USP31: variants seen among roughly 807,000 people sequenced by gnomAD.
USP31 encodes ubiquitin specific peptidase 31.
In USP31, 44 loss-of-function variants were observed where a neutral mutation model predicts 119.4. The observed-to-expected ratio is 0.37, with a 90% CI of 0.29 to 0.47. USP31 has a LOEUF of 0.47. Among genes scored for constraint, USP31 ranks in the 20% least tolerant of loss-of-function variants. The pLI is 0.99. For missense variants in USP31, 1,643 were observed against 1,730.2 expected (o/e 0.95, Z 0.89); for synonymous variants, 749 against 705.6 (o/e 1.06, Z -0.97).
At chr16:23,144,613 G>A (rs1903453122) in intron 1 of USP31, among the ~76,000 whole-genome samples, 1 of 152,016 alleles carries the variant, frequency 6.6e-6, no homozygotes, top group African/African-American at 2.4e-5. Flanking sequence ...CCGAGTAGCT[G>A]GGATTACAGG....
chr16:23,062,041 T>C lies in USP31; in HGVS notation c.*6005A>G, dbSNP rs1472679460. 1 of 152,660 alleles carries C rather than the reference T, an allele frequency of 6.6e-6. No homozygotes were observed. The highest frequency in any genetic ancestry group is 2.4e-5 in the African/African-American group (1 of 41,454). The allele number at this position is 152,660 out of a possible 1,614,324, so 9.5% of individuals were successfully genotyped here. On this transcript the variant is annotated 3_prime_UTR_variant, in exon 16 of 16. Coordinates refer to ENST00000219689, the MANE Select transcript of USP31 (RefSeq NM_020718.4). Reference sequence around the variant, plus strand: ...GCACCTAGGAAATTTCATATTGCATTTGGACGACTGCAACAGATATCATTA... The same window carrying C: ...GCACCTAGGAAATTTCATATTGCATCTGGACGACTGCAACAGATATCATTA...
chr16:23,073,824 G>A lies in USP31; in HGVS notation c.2233C>T (p.Gln745Ter). The A allele has an allele frequency of 6.2e-7, 1 of 1,614,102 alleles. No homozygotes were observed. Among genetic ancestry groups the A allele is most frequent in the Non-Finnish European group, 8.5e-7 (1 of 1,180,038 alleles). The change falls in exon 14 of 16, where the codon CAG becomes TAG. Residue 745 changes from glutamine (Q) to a stop codon, truncating the protein, a stop_gained. Coordinates refer to ENST00000219689, the MANE Select transcript of USP31 (RefSeq NM_020718.4). LOFTEE classifies it high-confidence loss of function. ...CAGACCTCATCTTCTGACAGCTGCT[G>A]CACATCGCTGTCATCGAAGCAGTAC... The part of the protein sequence containing the change: ...LWYCFDDSDV[Q>*]QLSEDEVCTQ...
chr16:23,143,593 G>GC (rs1211277157), intron 1 of USP31, among the ~76,000 whole-genome samples: 2 of 150,722 alleles, frequency 1.3e-5, no homozygotes, highest in Admixed American at 1.3e-4. Context: ...GTTGGGGGGG[G>GC]GGAGAGAGAG....
rs1322088979 is a variant in USP31 at position 23,102,308 on chromosome 16, A to G, written c.1234+11T>C. 3 of 1,609,010 alleles carry G rather than the reference A, an allele frequency of 1.9e-6. No individual in the cohort carries two copies. On this transcript the variant is annotated intron_variant, in intron 6 of 15. Coordinates refer to ENST00000219689, the MANE Select transcript of USP31 (RefSeq NM_020718.4). The stretch of plus-strand genomic sequence containing the variant: ...ACCCAGGTGGCATTATGGAAACAGG[A>G]GCTCCCTTACCTCTTTGACTGAGAA...
chr16:23,122,295 T>C (rs562702925), intron 1 of USP31, among the ~76,000 whole-genome samples: 3 of 152,182 alleles, frequency 2.0e-5, no homozygotes, highest in South Asian at 2.1e-4. Flanking sequence ...ATGGCTATAA[T>C]GAAAAAGACA....
At chr16:23,145,397 G>A (rs1454310410) in intron 1 of USP31, among the ~76,000 whole-genome samples, 3 of 152,060 alleles carry the variant, frequency 2.0e-5, no homozygotes, top group South Asian at 2.1e-4. Context: ...GATCCTACTC[G>A]ACTCAGCTCT....
At chr16:23,130,780 A>T (rs1328937254) in intron 1 of USP31, among the ~76,000 whole-genome samples, 1 of 152,106 alleles carries the variant, frequency 6.6e-6, no homozygotes, top group Non-Finnish European at 1.5e-5. Flanking sequence ...CCAGATCAAG[A>T]TACTTCTTTG....
At chr16:23,103,336 A>G (rs1043071705) in intron 5 of USP31, among the ~76,000 whole-genome samples, 2 of 152,238 alleles carry the variant, frequency 1.3e-5, no homozygotes, top group Non-Finnish European at 2.9e-5. Flanking sequence ...CAAAAATACT[A>G]ACTAGTTAAA....
At position 23,082,343 on chromosome 16, in the gene USP31, C is replaced by G. The variant is rs1596692196; in HGVS notation, c.1950+95G>C. On this transcript the variant is annotated intron_variant, in intron 12 of 15. Transcript: ENST00000219689. ...CACAGACAGGACTCACTGGATCAAA[C>G]AGGTATACCAAAGAACCCTCACAGA... The G allele has an allele frequency of 4.0e-6, 6 of 1,505,646 alleles. No individual in the cohort carries two copies. The East Asian group carries it at 1.4e-4, about 34-fold the overall frequency. The allele number at this position is 1,505,646 out of a possible 1,614,324, so 93.3% of individuals were successfully genotyped here. A position where few individuals can be genotyped will look rare whatever the true frequency, so the allele number is the denominator to read the frequency against.
At chr16:23,121,783 T>TA (rs146839597) in intron 1 of USP31, among the ~76,000 whole-genome samples, 4,396 of 152,326 alleles carry the variant, frequency 0.029, 92 homozygotes, top group African/African-American at 0.054. Flanking sequence ...ATGCTAGTGG[T>TA]AAAATCCTTC....
intron 13 of USP31, among the ~76,000 whole-genome samples, chr16:23,074,316 C>T (rs781022284): frequency 2.6e-5 from 4 of 152,044 alleles, no homozygotes; most frequent in East Asian, 3.9e-4. Context: ...CAAAACTGTC[C>T]GACCAAAATG....
chr16:23,119,964 T>C (rs902476930), intron 1 of USP31, among the ~76,000 whole-genome samples: 3 of 152,138 alleles, frequency 2.0e-5, no homozygotes, highest in African/African-American at 7.2e-5. Context: ...AGTCCATCCT[T>C]CCCCGCACAA....
At chr16:23,127,122 T>C (rs1902883831) in intron 1 of USP31, among the ~76,000 whole-genome samples, 1 of 151,952 alleles carries the variant, frequency 6.6e-6, no homozygotes, top group South Asian at 2.1e-4. Flanking sequence ...TCTATCAAAA[T>C]CAAAAGCAAA....
chr16:23,105,541 C>A lies in USP31; in HGVS notation c.989G>T (p.Cys330Phe). ...CACACCAATCCTCATGCAGTGAGAA[C>A]ATTTGCCTTGATACACTACAGTGAC... ...LYVTVVYQGK[C>F]SHCMRIGVAV... Residue 330 changes from cysteine (C) to phenylalanine (F), a missense_variant, in exon 5 of 16, where the codon TGT becomes TTT. This residue lies in a region of USP31 where 144 missense variants were observed against 218.0 expected (regional missense o/e 0.66). Transcript: ENST00000219689. 1 of 1,614,096 alleles carries A rather than the reference C, an allele frequency of 6.2e-7. No homozygotes were observed.
At chr16:23,086,986 A>G (rs1395788798) in intron 9 of USP31, 106 bp downstream of exon 9, 2 of 807,866 alleles carry the variant, frequency 2.5e-6, no homozygotes, top group Admixed American at 3.0e-5. Context: ...AAATAAGCCT[A>G]AAGAACCCTG....
At chr16:23,136,415 G>A (rs1903191585) in intron 1 of USP31, among the ~76,000 whole-genome samples, 1 of 152,206 alleles carries the variant, frequency 6.6e-6, no homozygotes, top group Non-Finnish European at 1.5e-5. Flanking sequence ...CACTCTGGGA[G>A]GCCGAGGTGG....
intron 6 of USP31, among the ~76,000 whole-genome samples, chr16:23,096,247 A>C (rs926226240): frequency 2.6e-5 from 4 of 152,224 alleles, no homozygotes; most frequent in Non-Finnish European, 1.5e-5. Context: ...GAGAAAAAGA[A>C]GGCCATTACA....
At position 23,069,534 on chromosome 16, in the gene USP31, G is replaced by A. The variant is rs144803691; in HGVS notation, c.2571C>T (p.Ala857=). 4.9e-4 allele frequency: 792 copies of A among 1,614,016 alleles called. 9 individuals carry two copies. Among genetic ancestry groups the A allele is most frequent in the Admixed American group, 2.3e-4 (14 of 60,006 alleles). ...AAGGTCTCATGCAATTTTCATTGAC[G>A]GCCAAGGGGCTGGTGACAGAAGATC... is the stretch of plus-strand genomic sequence containing the variant. ...SSRSSVTSPL[A]VNENCMRPSW... is the part of the protein sequence containing the mutation. Residue 857 remains alanine (A), a synonymous_variant, in exon 16 of 16, where the codon GCC becomes GCT. Transcript: ENST00000219689.
At position 23,064,056 on chromosome 16, in the gene USP31, T is replaced by C. The variant is rs1286994165; in HGVS notation, c.*3990A>G. 6.6e-6 allele frequency: 1 copy of C among 152,616 alleles called. No individual in the cohort carries two copies. Among genetic ancestry groups the C allele is most frequent in the Non-Finnish European group, 1.5e-5 (1 of 68,030 alleles). 9.5% of individuals were successfully genotyped at this position (152,616 alleles called of 1,614,324 possible). Reference sequence around the variant, plus strand: ...ACTTTTTGTGTTCGTTTGTGATAGGTACTGGTTTGTCAGCAAAGTTTGCCT... The same window carrying C: ...ACTTTTTGTGTTCGTTTGTGATAGGCACTGGTTTGTCAGCAAAGTTTGCCT... On this transcript the variant is annotated 3_prime_UTR_variant, in exon 16 of 16. Coordinates refer to ENST00000219689, the MANE Select transcript of USP31 (RefSeq NM_020718.4).
Sources: gnomAD v4.1 joint callset for allele counts (sites outside exome capture counted in the v4.1 genomes callset) on GRCh38, gnomAD v4.1.1 for gene constraint, gnomAD v4.1.1 regional missense constraint, MANE v1.5 for transcripts, NCBI Gene and HGNC (gene_info 2026-07-23, HGNC 2026-07-21) for gene names.